DTNBP1: variants seen among roughly 807,000 people sequenced by gnomAD.
The protein encoded by DTNBP1 is dysbindin.
Under a neutral mutation model 42.8 loss-of-function variants are expected in DTNBP1, and 35 were observed. That is an observed-to-expected ratio of 0.82 (90% CI 0.63 to 1.09). The LOEUF (loss-of-function observed/expected upper bound fraction) is 1.09. Among genes scored for constraint, DTNBP1 ranks in the 50% least tolerant of loss-of-function variants. The pLI, the probability that DTNBP1 is intolerant of heterozygous loss-of-function variation, is 0.00. For missense variants in DTNBP1, 457 were observed against 424.2 expected, an observed-to-expected ratio of 1.08 and a Z score of -0.68; for synonymous variants, 171 against 162.2, an observed-to-expected ratio of 1.05 and a Z score of -0.41.
At chr6:15,661,553 G>A (rs756737529) in intron 1 of DTNBP1, among the ~76,000 whole-genome samples, 1 of 151,346 alleles carries the variant, frequency 6.6e-6, no homozygotes. Flanking sequence ...GGTGGAGCCA[G>A]GAGAATCGCT....
chr6:15,652,221 G>T, intron 1 of DTNBP1, 81 bp from the exon 2 acceptor site: 4 of 1,183,414 alleles, frequency 3.4e-6, no homozygotes, highest in Non-Finnish European at 4.8e-6. Flanking sequence ...TCACTCTGTC[G>T]TCCAGGCTGG....
intron 1 of DTNBP1, among the ~76,000 whole-genome samples, chr6:15,654,484 T>C (rs192288863): frequency 1.0e-3 from 159 of 152,350 alleles, no homozygotes; most frequent in Non-Finnish European, 1.7e-3. Context: ...AGATCCTCTT[T>C]GGACTACTCT....
chr6:15,632,587 T>C (rs912972875), intron 4 of DTNBP1, among the ~76,000 whole-genome samples: 1 of 152,166 alleles, frequency 6.6e-6, no homozygotes, highest in African/African-American at 2.4e-5. Context: ...TGGCCGAATA[T>C]GGGATTAAAA....
chr6:15,631,403 T>C (rs2113751621), intron 4 of DTNBP1, among the ~76,000 whole-genome samples: 1 of 152,306 alleles, frequency 6.6e-6, no homozygotes, highest in East Asian at 1.9e-4. Context: ...CTGTATATAT[T>C]GTTAATGCTT....
At chr6:15,526,802 ATCT>A (rs1282454409) in intron 8 of DTNBP1, among the ~76,000 whole-genome samples, 11 of 152,344 alleles carry the variant, frequency 7.2e-5, no homozygotes. Context: ...TGTCTGTGCC[ATCT>A]TCTTGAAAAG....
intron 7 of DTNBP1, among the ~76,000 whole-genome samples, chr6:15,586,737 C>A (rs551975984): frequency 2.0e-5 from 3 of 152,166 alleles, no homozygotes; most frequent in Non-Finnish European, 4.4e-5. Flanking sequence ...CTGGTTTCTA[C>A]CCCCAGCACC....
chr6:15,571,834 C>A (rs1336660480), intron 7 of DTNBP1, among the ~76,000 whole-genome samples: 2 of 152,188 alleles, frequency 1.3e-5, no homozygotes, highest in Non-Finnish European at 2.9e-5. Flanking sequence ...GGGAACAAAT[C>A]TGTAAATCTC....
chr6:15,542,001 TTACTACA>T (rs1773592537), intron 7 of DTNBP1, among the ~76,000 whole-genome samples: 2 of 152,160 alleles, frequency 1.3e-5, no homozygotes, highest in Admixed American at 6.5e-5. Flanking sequence ...ACAGTAACAC[TTACTACA>T]TATGAATTGA....
chr6:15,543,158 G>A (rs1773676979), intron 7 of DTNBP1, among the ~76,000 whole-genome samples: 1 of 152,038 alleles, frequency 6.6e-6, no homozygotes, highest in African/African-American at 2.4e-5. Context: ...AGCACATTTT[G>A]GTGTATACCC....
chr6:15,660,492 C>T (rs1258218212), intron 1 of DTNBP1: 1 of 1,289,786 alleles, frequency 7.8e-7, no homozygotes, highest in Non-Finnish European at 1.0e-6. Flanking sequence ...CACACACTGA[C>T]AGTCCAGTGG....
intron 7 of DTNBP1, among the ~76,000 whole-genome samples, chr6:15,535,598 T>C (rs1409277844): frequency 6.6e-6 from 1 of 152,162 alleles, no homozygotes; most frequent in African/African-American, 2.4e-5. Context: ...ACTACAGGTG[T>C]GAGCAACCTC....
intron 7 of DTNBP1, among the ~76,000 whole-genome samples, chr6:15,578,599 T>C (rs1775683878): frequency 1.3e-5 from 2 of 152,208 alleles, no homozygotes; most frequent in Admixed American, 1.3e-4. Flanking sequence ...GGCAAAATAT[T>C]GAGTGGTCAT....
intron 1 of DTNBP1, among the ~76,000 whole-genome samples, chr6:15,657,698 C>T (rs1245109108): frequency 6.6e-6 from 1 of 152,238 alleles, no homozygotes; most frequent in African/African-American, 2.4e-5. Context: ...AAGGATCTTA[C>T]TTGCTATCTG....
At chr6:15,655,057 T>A (rs1253664381) in intron 1 of DTNBP1, among the ~76,000 whole-genome samples, 1 of 152,170 alleles carries the variant, frequency 6.6e-6, no homozygotes, top group African/African-American at 2.4e-5. Flanking sequence ...AACTGTTGAA[T>A]CTCAGCAATG....
chr6:15,524,337 G>A (rs768887023), intron 9 of DTNBP1, 189 bp downstream of exon 9: 2 of 1,612,324 alleles, frequency 1.2e-6, no homozygotes, highest in Non-Finnish European at 1.7e-6. Context: ...AAGAATTCAT[G>A]ACGGAACCAC....
intron 8 of DTNBP1, among the ~76,000 whole-genome samples, chr6:15,530,005 C>T (rs1396481482): frequency 1.3e-5 from 2 of 152,278 alleles, no homozygotes; most frequent in Admixed American, 1.3e-4. Flanking sequence ...CAAGTGGGCA[C>T]ATATGTGCCT....
At chr6:15,637,362 T>G (rs1760089143) in intron 4 of DTNBP1, among the ~76,000 whole-genome samples, 1 of 152,206 alleles carries the variant, frequency 6.6e-6, no homozygotes, top group Admixed American at 6.5e-5. Context: ...AAGTTAAGTT[T>G]TTTTGACCAA....
At chr6:15,524,293 A>G (rs1179709972) in intron 9 of DTNBP1, 4 of 1,609,694 alleles carry the variant, frequency 2.5e-6, no homozygotes, top group Non-Finnish European at 3.4e-6. Context: ...CAACTCACCA[A>G]AGTTACCGGA....
chr6:15,651,004 C>CA (rs1760962271), intron 3 of DTNBP1, among the ~76,000 whole-genome samples: 1 of 151,594 alleles, frequency 6.6e-6, no homozygotes, highest in Admixed American at 6.6e-5. Context: ...AGAATCAAAG[C>CA]AAAAAAACAA....
Sources: allele counts gnomAD v4.1 joint callset (sites outside exome capture counted in the v4.1 genomes callset), GRCh38; gene constraint gnomAD v4.1.1; transcripts MANE v1.5; gene names NCBI Gene and HGNC (gene_info 2026-07-23, HGNC 2026-07-21).